BABAM2: variants seen among roughly 807,000 people sequenced by gnomAD.
The protein encoded by BABAM2 is BRISC and BRCA1 A complex member 2, also known as BRISC and BRCA1-A complex member 2.
A neutral mutation model predicts 54.7 loss-of-function variants in BABAM2; 31 were observed. That is an observed-to-expected ratio of 0.57 (90% CI 0.43 to 0.77). The LOEUF (loss-of-function observed/expected upper bound fraction) is 0.77. Among genes scored for constraint, BABAM2 ranks in the 30% least tolerant of loss-of-function variants. BABAM2 has a pLI of 0.00. For synonymous variants in BABAM2, 167 were observed against 162.9 expected (o/e 1.03, Z -0.19); for missense variants, 364 against 455.8 (o/e 0.80, Z 1.83).
intron 3 of BABAM2, among the ~76,000 whole-genome samples, chr2:27,972,507 T>C (rs1050055729): frequency 6.6e-5 from 10 of 152,186 alleles, no homozygotes; most frequent in African/African-American, 2.4e-4. Flanking sequence ...TCCTAATCAG[T>C]GTTTCCTGTA....
intron 7 of BABAM2, among the ~76,000 whole-genome samples, chr2:28,134,948 G>A (rs1490595601): frequency 6.6e-6 from 1 of 152,160 alleles, no homozygotes; most frequent in Non-Finnish European, 1.5e-5. Flanking sequence ...CTTATTGGCT[G>A]GCAATCTTGG....
chr2:28,135,979 T>C (rs750465271), intron 7 of BABAM2, among the ~76,000 whole-genome samples: 15 of 152,210 alleles, frequency 9.9e-5, no homozygotes, highest in Non-Finnish European at 2.1e-4. Context: ...AATGCCTCTC[T>C]GTTGCCAAGC....
intron 6 of BABAM2, among the ~76,000 whole-genome samples, chr2:28,058,116 C>T (rs1678575712): frequency 6.6e-6 from 1 of 151,598 alleles, no homozygotes; most frequent in Admixed American, 6.6e-5. Context: ...TGCATTCCAG[C>T]CTGGGTGACA....
At chr2:28,119,408 T>C (rs1049018602) in intron 6 of BABAM2, among the ~76,000 whole-genome samples, 6 of 152,164 alleles carry the variant, frequency 3.9e-5, no homozygotes, top group Non-Finnish European at 8.8e-5. Context: ...CTCTCTGGCC[T>C]CCAGAGTAGG....
At chr2:28,041,854 A>G (rs191150905) in intron 5 of BABAM2, among the ~76,000 whole-genome samples, 1 of 152,190 alleles carries the variant, frequency 6.6e-6, no homozygotes, top group Admixed American at 6.5e-5. Context: ...CACTCTGCCT[A>G]TTGTCATGAG....
At chr2:28,145,206 A>C (rs886556413) in intron 7 of BABAM2, among the ~76,000 whole-genome samples, 1 of 152,168 alleles carries the variant, frequency 6.6e-6, no homozygotes, top group Admixed American at 6.5e-5. Flanking sequence ...AGAAAGATGA[A>C]GCACAGACAG....
intron 11 of BABAM2, among the ~76,000 whole-genome samples, chr2:28,337,239 C>A (rs1691549080): frequency 6.6e-6 from 1 of 152,118 alleles, no homozygotes; most frequent in African/African-American, 2.4e-5. Context: ...TGCAGCCCCT[C>A]CCTTCTCCTC....
intron 6 of BABAM2, among the ~76,000 whole-genome samples, chr2:28,078,812 G>A (rs1230262080): frequency 6.6e-6 from 1 of 152,128 alleles, no homozygotes; most frequent in Admixed American, 6.6e-5. Context: ...GAGAAACTGA[G>A]GTGGAACTAT....
At chr2:28,254,679 CCTATAA>C (rs1373344904) in intron 10 of BABAM2, among the ~76,000 whole-genome samples, 3 of 151,624 alleles carry the variant, frequency 2.0e-5, no homozygotes, top group Non-Finnish European at 4.4e-5. Context: ...TGTTGTTTTA[CCTATAA>C]ATACCTCACT....
chr2:28,147,242 C>T (rs1162374614), intron 7 of BABAM2, among the ~76,000 whole-genome samples: 1 of 152,192 alleles, frequency 6.6e-6, no homozygotes, highest in Non-Finnish European at 1.5e-5. Context: ...CTGTGCTGTC[C>T]TGTCTTAGAA....
rs1667967501 is a variant in BABAM2, at chr2:27,929,843, T to C, written c.140T>C (p.Leu47Ser). ...TGCATTTTTTAAAGCTGCACATCAT[T>C]GACTCCTGGGCCCAACTGTGACCGA... ...ITDLKSGCTSLTPGPNCDRFK... is the reference protein window; with the variant it reads ...ITDLKSGCTSSTPGPNCDRFK... The change falls in exon 3 of 12, where the codon TTG (leucine) becomes TCG (serine). Residue 47 changes from leucine to serine, a missense_variant. Coordinates refer to ENST00000379624, the MANE Select transcript of BABAM2 (RefSeq NM_199191.3). The C allele has an allele frequency of 1.9e-6, 3 of 1,613,744 alleles. No homozygotes were observed. Among genetic ancestry groups the C allele is most frequent in the Non-Finnish European group, 2.5e-6 (3 of 1,179,706 alleles).
At chr2:27,953,679 T>C (rs562514108) in intron 3 of BABAM2, among the ~76,000 whole-genome samples, 1 of 152,294 alleles carries the variant, frequency 6.6e-6, no homozygotes, top group Admixed American at 6.5e-5. Context: ...TTTCTGCCTT[T>C]GGCTACAGGG....
At chr2:28,249,784 A>G (rs1382195567) in intron 10 of BABAM2, among the ~76,000 whole-genome samples, 2 of 152,030 alleles carry the variant, frequency 1.3e-5, no homozygotes, top group African/African-American at 2.4e-5. Flanking sequence ...GGAACTATAC[A>G]TAAGCGCCAT....
At chr2:27,935,981 C>T (rs1036743230) in intron 3 of BABAM2, among the ~76,000 whole-genome samples, 1 of 152,088 alleles carries the variant, frequency 6.6e-6, no homozygotes, top group Admixed American at 6.6e-5. Flanking sequence ...TGCAGTGGTG[C>T]GATCTTAGCT....
intron 3 of BABAM2, among the ~76,000 whole-genome samples, chr2:27,983,999 G>A (rs528202117): frequency 4.2e-4 from 48 of 114,082 alleles, no homozygotes; most frequent in Admixed American, 1.5e-3. Flanking sequence ...GTATAATGTT[G>A]AATAGAATCA....
At chr2:27,969,759 T>C (rs1056869565) in intron 3 of BABAM2, among the ~76,000 whole-genome samples, 1 of 151,960 alleles carries the variant, frequency 6.6e-6, no homozygotes, top group Admixed American at 6.6e-5. Flanking sequence ...TAGTGACAAC[T>C]GGGGGAGGGA....
At chr2:28,280,702 ATGAGCTAAGGTTTTTC>A (rs1486867171) in intron 10 of BABAM2, among the ~76,000 whole-genome samples, 7 of 152,246 alleles carry the variant, frequency 4.6e-5, no homozygotes, top group African/African-American at 1.7e-4. Flanking sequence ...TTTCTCTTCT[ATGAGCTAAGGTTTTTC>A]TGAGCTAAGG....
At chr2:28,209,954 AT>A (rs1679270466) in intron 7 of BABAM2, among the ~76,000 whole-genome samples, 1 of 152,214 alleles carries the variant, frequency 6.6e-6, no homozygotes, top group African/African-American at 2.4e-5. Flanking sequence ...TCTAGATATA[AT>A]TAGGTACCTT....
chr2:28,177,557 A>G (rs71443007), intron 7 of BABAM2, among the ~76,000 whole-genome samples: 1 of 152,192 alleles, frequency 6.6e-6, no homozygotes, highest in Non-Finnish European at 1.5e-5. Context: ...GCAATGATAA[A>G]CAATAATAGA....
Sources: gnomAD v4.1 joint callset for allele counts (sites outside exome capture counted in the v4.1 genomes callset) on GRCh38, gnomAD v4.1.1 for gene constraint, MANE v1.5 for transcripts, NCBI Gene and HGNC (gene_info 2026-07-23, HGNC 2026-07-21) for gene names.